The following UGT1A5 variants were observed in gnomAD, a reference collection of about 807,000 sequenced individuals.
UGT1A5 encodes the protein UDP glucuronosyltransferase family 1 member A5.
In UGT1A5, 29 loss-of-function variants were observed where a neutral mutation model predicts 40.3. The ratio of observed to expected loss-of-function variants is 0.72; its 90% CI spans 0.54 to 0.98. The LOEUF is 0.98. Ranked by LOEUF, UGT1A5 falls within the 50% of genes least tolerant of loss-of-function variation. The pLI, the probability that UGT1A5 is intolerant of heterozygous loss-of-function variation, is 0.00. For synonymous variants in UGT1A5, 257 were observed against 262.5 expected, an observed-to-expected ratio of 0.98 and a Z score of 0.20; for missense variants, 678 against 677.9, an observed-to-expected ratio of 1.00 and a Z score of 0.00.
chr2:233,745,019 T>C (rs1692990004), intron 1 of UGT1A5, among the ~76,000 whole-genome samples: 1 of 151,908 alleles, frequency 6.6e-6, no homozygotes, highest in Non-Finnish European at 1.5e-5. Context: ...ATGTAAATGC[T>C]ATGTAAATAG....
At chr2:233,751,502 G>A (rs1015716404) in intron 1 of UGT1A5, among the ~76,000 whole-genome samples, 1 of 152,208 alleles carries the variant, frequency 6.6e-6, no homozygotes, top group Non-Finnish European at 1.5e-5. Flanking sequence ...AGATTTGGGA[G>A]GGGCCAGAGG....
At chr2:233,768,876 G>A (rs747097900) in intron 4 of UGT1A5, among the ~76,000 whole-genome samples, 6 of 151,968 alleles carry the variant, frequency 3.9e-5, no homozygotes, top group Admixed American at 6.6e-5. Flanking sequence ...GAGCCAGCGC[G>A]TCTGACCTGG....
chr2:233,716,480 G>A (rs17863792), intron 1 of UGT1A5, among the ~76,000 whole-genome samples: 15,444 of 151,946 alleles, frequency 0.1, 900 homozygotes, highest in East Asian at 0.2. Context: ...TCTGTCCTCC[G>A]TAGTCTTCTA....
chr2:233,730,749 A>G (rs1471085496), intron 1 of UGT1A5, among the ~76,000 whole-genome samples: 3 of 152,116 alleles, frequency 2.0e-5, no homozygotes, highest in Non-Finnish European at 2.9e-5. Context: ...TAGGGAGGAG[A>G]TAAGACTGTG....
At chr2:233,717,158 G>A (rs75491591) in intron 1 of UGT1A5, among the ~76,000 whole-genome samples, 1 of 152,182 alleles carries the variant, frequency 6.6e-6, no homozygotes, top group Non-Finnish European at 1.5e-5. Flanking sequence ...GAACATGGGA[G>A]CCCCTTGAAT....
chr2:233,736,362 A>C (rs1213397450), intron 1 of UGT1A5, among the ~76,000 whole-genome samples: 1 of 152,180 alleles, frequency 6.6e-6, no homozygotes, highest in East Asian at 1.9e-4. Context: ...CAGCTCCATC[A>C]GGTCATTTAA....
At chr2:233,724,144 C>T (rs2077176143) in intron 1 of UGT1A5, among the ~76,000 whole-genome samples, 1 of 124,228 alleles carries the variant, frequency 8.0e-6, no homozygotes, top group African/African-American at 3.6e-5. Flanking sequence ...GACGGGGCGG[C>T]TGGCCGGGTG....
chr2:233,741,611 T>G (rs1691716714), intron 1 of UGT1A5: 1 of 151,894 alleles, frequency 6.6e-6, no homozygotes. Context: ...CAGAGTTCAG[T>G]GTCAGACCCC....
At chr2:233,724,314 G>C (rs1472414004) in intron 1 of UGT1A5, among the ~76,000 whole-genome samples, 1 of 144,282 alleles carries the variant, frequency 6.9e-6, no homozygotes, top group African/African-American at 2.6e-5. Flanking sequence ...CCTCCCGGAC[G>C]GGGCGGCTGG....
intron 1 of UGT1A5, among the ~76,000 whole-genome samples, chr2:233,749,373 T>C (rs1474844214): frequency 3.9e-5 from 6 of 151,924 alleles, no homozygotes; most frequent in Non-Finnish European, 7.3e-5. Flanking sequence ...TGCCCTTTTC[T>C]TCCAGTTTTT....
intron 1 of UGT1A5, among the ~76,000 whole-genome samples, chr2:233,757,242 G>C (rs889678436): frequency 2.7e-5 from 4 of 149,670 alleles, no homozygotes; most frequent in African/African-American, 9.9e-5. Flanking sequence ...GTGGTGGTGA[G>C]GTGGGGTTAT....
At chr2:233,746,211 T>C (rs371025099) in intron 1 of UGT1A5, among the ~76,000 whole-genome samples, 2 of 151,850 alleles carry the variant, frequency 1.3e-5, no homozygotes, top group East Asian at 3.9e-4. Flanking sequence ...TATACTCTAA[T>C]AGCAAGGACA....
chr2:233,772,695 T>C lies in UGT1A5; in HGVS notation c.*136T>C. ...ATAAATTAATCAGCCCCAGAGTGCT[T>C]TAAAAAATTCTCTTAAATAAAAATA... is the stretch of plus-strand genomic sequence containing the variant. On this transcript the variant is annotated 3_prime_UTR_variant, in exon 5 of 5. Coordinates refer to ENST00000373414, the MANE Select transcript of UGT1A5 (RefSeq NM_019078.2). 2 of 1,484,740 alleles carry C rather than the reference T, an allele frequency of 1.3e-6. No individual in the cohort carries two copies. Among genetic ancestry groups the C allele is most frequent in the South Asian group, 2.7e-5 (2 of 74,364 alleles). The allele number at this position is 1,484,740 out of a possible 1,614,324, so 92.0% of individuals were successfully genotyped here. A position where few individuals can be genotyped will look rare whatever the true frequency, so the allele number is the denominator to read the frequency against.
At chr2:233,727,764 G>T (rs117456176) in intron 1 of UGT1A5, among the ~76,000 whole-genome samples, 2 of 152,186 alleles carry the variant, frequency 1.3e-5, no homozygotes, top group Non-Finnish European at 2.9e-5. Flanking sequence ...CTTGAGCTGG[G>T]TGTCCCCCAG....
rs11902620 is a variant in UGT1A5, at chr2:233,737,991, T to C, written c.867+24133T>C. Among the ~76,000 whole-genome samples, 1,168 of 152,178 alleles carry C rather than the reference T, an allele frequency of 7.7e-3. 15 individuals carry two copies. The highest frequency in any genetic ancestry group is 0.027 in the African/African-American group (1,127 of 41,508). Reference sequence around the variant, plus strand: ...AGATTTAATATGGTTTGGCTCTGTGTCCCCCACCAAATCTCATCTTGAATT... The same window carrying C: ...AGATTTAATATGGTTTGGCTCTGTGCCCCCCACCAAATCTCATCTTGAATT... On this transcript the variant is annotated intron_variant, in intron 1 of 4. Transcript: ENST00000373414.
intron 4 of UGT1A5, 106 bp from the exon 5 acceptor site, chr2:233,772,156 C>G: frequency 6.4e-7 from 1 of 1,560,932 alleles, no homozygotes; most frequent in Non-Finnish European, 8.7e-7. Context: ...GTTTCCTTTC[C>G]CAAGTTTGGA....
rs750401894 is a variant in UGT1A5, at chr2:233,768,320, T to G, written c.1188T>G (p.Gly396=). Residue 396 remains glycine, a synonymous_variant, in exon 4 of 5, where the codon GGT becomes GGG. Transcript: ENST00000373414. ...CCATGGTGATGATGCCCTTGTTTGG[T>G]GATCAGATGGACAATGCAAAGCGCA... ...GVPMVMMPLF[G]DQMDNAKRME... The G allele has an allele frequency of 2.5e-6, 4 of 1,614,162 alleles. No homozygotes were observed. The Admixed American group carries it at 6.7e-5, about 27-fold the overall frequency.
chr2:233,749,312 T>A (rs900685168), intron 1 of UGT1A5, among the ~76,000 whole-genome samples: 1 of 151,978 alleles, frequency 6.6e-6, no homozygotes, highest in African/African-American at 2.4e-5. Context: ...TATGTGTTTA[T>A]TAGATTTGTA....
At chr2:233,727,258 C>T (rs899860562) in intron 1 of UGT1A5, among the ~76,000 whole-genome samples, 1 of 152,158 alleles carries the variant, frequency 6.6e-6, no homozygotes, top group African/African-American at 2.4e-5. Flanking sequence ...GCAGCCCAGA[C>T]CCCTCCTCAT....
Sources: allele counts gnomAD v4.1 joint callset (sites outside exome capture counted in the v4.1 genomes callset), GRCh38; gene constraint gnomAD v4.1.1; transcripts MANE v1.5; gene names NCBI Gene and HGNC (gene_info 2026-07-23, HGNC 2026-07-21).